The following ROBO2 variants were observed in gnomAD, a reference collection of about 807,000 sequenced individuals.
ROBO2 encodes roundabout homolog 2.
In ROBO2, 53 loss-of-function variants were observed where a neutral mutation model predicts 160.8. The observed-to-expected ratio is 0.33, with a 90% CI of 0.26 to 0.41. The LOEUF (loss-of-function observed/expected upper bound fraction) is 0.41. ROBO2 is among the 10% of genes least tolerant of loss of function. The pLI is 1.00. For missense variants in ROBO2, 1,577 were observed against 1,722.4 expected (o/e 0.92, Z 1.49); for synonymous variants, 664 against 611.7 (o/e 1.09, Z -1.26).
At chr3:76,400,309 T>A (rs2108750019) in intron 2 of ROBO2, among the ~76,000 whole-genome samples, 1 of 151,758 alleles carries the variant, frequency 6.6e-6, no homozygotes, top group Non-Finnish European at 1.5e-5. Context: ...TTAATATTTG[T>A]AGATTCTCTC....
chr3:76,428,859 A>T (rs1224603200), intron 2 of ROBO2, among the ~76,000 whole-genome samples: 3 of 152,114 alleles, frequency 2.0e-5, no homozygotes, highest in Non-Finnish European at 4.4e-5. Context: ...TGAGCTGCCG[A>T]CAGTCATCTT....
Position 76,562,163 on chromosome 3 carries a change from TC to T in ROBO2, c.110-535850del, listed in dbSNP as rs370670252. ...CATTTCCAGTTCTAGATTCACCACTTCTTGGCTTCTGCTTGGATGGGATATT... is the reference window on the plus strand; with the variant it reads ...CATTTCCAGTTCTAGATTCACCACTTTTGGCTTCTGCTTGGATGGGATATT... On this transcript the variant is annotated intron_variant, in intron 2 of 26. Transcript: ENST00000487694. 2.6e-4 allele frequency among the ~76,000 whole-genome samples: 40 copies of T among 151,810 alleles called. 2 individuals carry two copies. The South Asian group carries it at 2.7e-3, about 10-fold the overall frequency.
chr3:76,110,636 AG>A (rs1425993260), intron 2 of ROBO2, among the ~76,000 whole-genome samples: 1 of 152,128 alleles, frequency 6.6e-6, no homozygotes, highest in African/African-American at 2.4e-5. Context: ...GAAAGTCTAA[AG>A]CCCTTTTTAC....
At chr3:75,945,203 G>A (rs1456304055) in intron 2 of ROBO2, among the ~76,000 whole-genome samples, 1 of 152,164 alleles carries the variant, frequency 6.6e-6, no homozygotes, top group Non-Finnish European at 1.5e-5. Flanking sequence ...AACAGACAAT[G>A]AGCCACATAA....
At chr3:77,533,129 A>G (rs1210443388) in intron 6 of ROBO2, among the ~76,000 whole-genome samples, 1 of 152,142 alleles carries the variant, frequency 6.6e-6, no homozygotes, top group African/African-American at 2.4e-5. Flanking sequence ...AATAACCCTT[A>G]TTTAGAATGT....
intron 2 of ROBO2, among the ~76,000 whole-genome samples, chr3:77,376,479 T>G (rs9868717): frequency 0.31 from 46,698 of 151,896 alleles, 7,733 homozygotes; most frequent in Non-Finnish European, 0.38. Flanking sequence ...TTTTAAAAAT[T>G]TATGTCAACA....
At chr3:77,626,221 C>G (rs1016921899) in intron 23 of ROBO2, among the ~76,000 whole-genome samples, 1 of 152,108 alleles carries the variant, frequency 6.6e-6, no homozygotes, top group Non-Finnish European at 1.5e-5. Flanking sequence ...TTTTCTCTCT[C>G]GAAACATTAG....
chr3:76,034,275 G>C (rs543669125), intron 2 of ROBO2, among the ~76,000 whole-genome samples: 1 of 152,226 alleles, frequency 6.6e-6, no homozygotes, highest in South Asian at 2.1e-4. Flanking sequence ...GTATCTGCTC[G>C]TTTGTGGTTA....
intron 2 of ROBO2, among the ~76,000 whole-genome samples, chr3:76,400,681 ATG>A (rs1230299420): frequency 6.6e-6 from 1 of 151,616 alleles, no homozygotes; most frequent in Non-Finnish European, 1.5e-5. Flanking sequence ...AATATAAATT[ATG>A]TTTTTTAATA....
At chr3:76,360,450 A>C (rs2075441979) in intron 2 of ROBO2, among the ~76,000 whole-genome samples, 1 of 152,098 alleles carries the variant, frequency 6.6e-6, no homozygotes, top group Non-Finnish European at 1.5e-5. Context: ...TGGATACAAA[A>C]AAGAAAGGCT....
intron 2 of ROBO2, among the ~76,000 whole-genome samples, chr3:76,900,628 A>C (rs2075148292): frequency 6.6e-6 from 1 of 152,202 alleles, no homozygotes; most frequent in Non-Finnish European, 1.5e-5. Context: ...GGAATTTGGG[A>C]CCAACGCTGC....
At chr3:77,573,364 A>G (rs2093683765) in intron 13 of ROBO2, among the ~76,000 whole-genome samples, 1 of 151,964 alleles carries the variant, frequency 6.6e-6, no homozygotes, top group South Asian at 2.1e-4. Flanking sequence ...TTGCATTTTT[A>G]TATATTTCAT....
At chr3:77,538,673 T>G (rs1370091939) in intron 6 of ROBO2, among the ~76,000 whole-genome samples, 1 of 152,158 alleles carries the variant, frequency 6.6e-6, no homozygotes, top group Non-Finnish European at 1.5e-5. Flanking sequence ...ATTTCCAATA[T>G]TATTAACAGA....
intron 2 of ROBO2, among the ~76,000 whole-genome samples, chr3:76,059,569 G>C (rs1243889362): frequency 6.6e-6 from 1 of 152,020 alleles, no homozygotes; most frequent in African/African-American, 2.4e-5. Context: ...CAGATGAGTA[G>C]GTAGCAAAAA....
At chr3:76,350,011 T>G (rs2074777562) in intron 2 of ROBO2, among the ~76,000 whole-genome samples, 1 of 152,038 alleles carries the variant, frequency 6.6e-6, no homozygotes, top group Non-Finnish European at 1.5e-5. Flanking sequence ...GGCTGTTCAC[T>G]ATACAAACTT....
At chr3:76,537,753 C>T (rs1319492402) in intron 2 of ROBO2, among the ~76,000 whole-genome samples, 3 of 152,054 alleles carry the variant, frequency 2.0e-5, no homozygotes, top group Non-Finnish European at 4.4e-5. Flanking sequence ...CACTTGGGTG[C>T]AAGTGGGCTG....
chr3:77,459,509 CT>C (rs1288999818), intron 2 of ROBO2, among the ~76,000 whole-genome samples: 2 of 152,162 alleles, frequency 1.3e-5, no homozygotes, highest in African/African-American at 2.4e-5. Context: ...TGGTTCCTGC[CT>C]TTGTGGAGCT....
chr3:76,742,072 A>G (rs13314835), intron 2 of ROBO2, among the ~76,000 whole-genome samples: 2,752 of 152,210 alleles, frequency 0.018, 69 homozygotes, highest in African/African-American at 0.058. Context: ...GAAAAATTTC[A>G]TTATATACGA....
chr3:76,662,722 A>G (rs2091877395), intron 2 of ROBO2, among the ~76,000 whole-genome samples: 1 of 152,168 alleles, frequency 6.6e-6, no homozygotes, highest in African/African-American at 2.4e-5. Context: ...TGCAGTGGAT[A>G]GAGGAAGAGC....
Sources: allele counts gnomAD v4.1 joint callset (sites outside exome capture counted in the v4.1 genomes callset), GRCh38; gene constraint gnomAD v4.1.1; transcripts MANE v1.5; gene names NCBI Gene and HGNC (gene_info 2026-07-23, HGNC 2026-07-21).